KCNIP1: variants seen among roughly 807,000 people sequenced by gnomAD.
KCNIP1 encodes A-type potassium channel modulatory protein KCNIP1.
In KCNIP1, 18 loss-of-function variants were observed where a neutral mutation model predicts 33.0. The ratio of observed to expected loss-of-function variants is 0.55; its 90% CI spans 0.38 to 0.81. The LOEUF (loss-of-function observed/expected upper bound fraction) is 0.81. KCNIP1 is among the 30% of genes least tolerant of loss of function. The pLI is 0.00. For missense variants in KCNIP1, 238 were observed against 271.6 expected, an observed-to-expected ratio of 0.88 and a Z score of 0.87; for synonymous variants, 93 against 98.3, an observed-to-expected ratio of 0.95 and a Z score of 0.32.
intron 1 of KCNIP1, among the ~76,000 whole-genome samples, chr5:170,691,867 C>T (rs529674722): frequency 6.6e-6 from 1 of 152,138 alleles, no homozygotes; most frequent in Non-Finnish European, 1.5e-5. Flanking sequence ...CACTCGAGAT[C>T]CTCACTCTCA....
intron 1 of KCNIP1, among the ~76,000 whole-genome samples, chr5:170,454,760 C>T (rs1448716800): frequency 2.0e-5 from 3 of 152,126 alleles, no homozygotes; most frequent in Non-Finnish European, 2.9e-5. Context: ...ATCTGTGTGA[C>T]AGACTTCTGT....
At chr5:170,441,803 C>T (rs1488533049) in intron 1 of KCNIP1, among the ~76,000 whole-genome samples, 1 of 151,798 alleles carries the variant, frequency 6.6e-6, no homozygotes, top group Non-Finnish European at 1.5e-5. Context: ...TACAAAAAAA[C>T]TAGCTGGGCA....
intron 1 of KCNIP1, among the ~76,000 whole-genome samples, chr5:170,707,258 G>A (rs150938923): frequency 1.3e-5 from 2 of 152,068 alleles, no homozygotes; most frequent in African/African-American, 4.8e-5. Flanking sequence ...CTGAGCTGCT[G>A]CAATGAAACT....
intron 1 of KCNIP1, among the ~76,000 whole-genome samples, chr5:170,394,456 A>T (rs1754702983): frequency 6.6e-6 from 1 of 151,576 alleles, no homozygotes; most frequent in Admixed American, 6.6e-5. Context: ...TTTTGTTGTC[A>T]TCGTGCTTTG....
chr5:170,672,208 C>T (rs1217198656), intron 1 of KCNIP1, among the ~76,000 whole-genome samples: 1 of 152,186 alleles, frequency 6.6e-6, no homozygotes, highest in Non-Finnish European at 1.5e-5. Flanking sequence ...TGGATGAGGA[C>T]ATGGGGCTAT....
At chr5:170,537,503 T>C (rs551104623) in intron 1 of KCNIP1, among the ~76,000 whole-genome samples, 1 of 152,304 alleles carries the variant, frequency 6.6e-6, no homozygotes, top group East Asian at 1.9e-4. Context: ...TTGTTCCTTG[T>C]ACAAACCCTT....
At chr5:170,583,217 A>T (rs1375829969) in intron 1 of KCNIP1, among the ~76,000 whole-genome samples, 1 of 152,210 alleles carries the variant, frequency 6.6e-6, no homozygotes, top group Non-Finnish European at 1.5e-5. Context: ...TCTTGTCTCC[A>T]GACTTTCTTT....
intron 1 of KCNIP1, among the ~76,000 whole-genome samples, chr5:170,604,023 G>A (rs940153717): frequency 1.1e-4 from 17 of 152,172 alleles, no homozygotes; most frequent in African/African-American, 3.9e-4. Flanking sequence ...GAAGAAAACT[G>A]TTGAGGCAAG....
chr5:170,586,800 A>G (rs917283897), intron 1 of KCNIP1, among the ~76,000 whole-genome samples: 1 of 152,208 alleles, frequency 6.6e-6, no homozygotes, highest in Admixed American at 6.5e-5. Context: ...TGTACACTTC[A>G]TTGTGTGTGC....
intron 1 of KCNIP1, among the ~76,000 whole-genome samples, chr5:170,526,044 A>G (rs572306105): frequency 1.3e-5 from 2 of 152,326 alleles, no homozygotes; most frequent in African/African-American, 4.8e-5. Flanking sequence ...GCTCCAGCTC[A>G]GTCACTGAGC....
At chr5:170,682,784 C>CTGTTTTTTTTTTTTT (rs1762396220) in intron 1 of KCNIP1, among the ~76,000 whole-genome samples, 1 of 71,404 alleles carries the variant, frequency 1.4e-5, no homozygotes, top group East Asian at 6.2e-4. Context: ...TTCTTTGTTT[C>CTGTTTTTTTTTTTTT]TTTTTTTTTT....
upstream of KCNIP1, among the ~76,000 whole-genome samples, chr5:170,502,940 C>A (rs538839693): frequency 2.0e-5 from 3 of 152,262 alleles, no homozygotes; most frequent in South Asian, 6.2e-4. Context: ...AAACTTTGCC[C>A]ATTGGGTGAG....
chr5:170,471,512 G>T (rs1756727167), intron 1 of KCNIP1, among the ~76,000 whole-genome samples: 1 of 152,188 alleles, frequency 6.6e-6, no homozygotes, highest in Non-Finnish European at 1.5e-5. Flanking sequence ...CTCAGGGAGG[G>T]AGGAAGACCC....
At chr5:170,708,687 T>G (rs887421070) in intron 1 of KCNIP1, among the ~76,000 whole-genome samples, 2 of 152,094 alleles carry the variant, frequency 1.3e-5, no homozygotes, top group Admixed American at 6.5e-5. Flanking sequence ...GAGGATTGCT[T>G]GAGTTTGAGG....
At chr5:170,646,381 G>T (rs898330124) in intron 1 of KCNIP1, among the ~76,000 whole-genome samples, 3 of 152,054 alleles carry the variant, frequency 2.0e-5, no homozygotes, top group African/African-American at 4.8e-5. Flanking sequence ...CGTATAAAAA[G>T]AATTATAAGC....
At chr5:170,461,393 T>A (rs554579689) in intron 1 of KCNIP1, among the ~76,000 whole-genome samples, 2 of 152,076 alleles carry the variant, frequency 1.3e-5, no homozygotes, top group African/African-American at 4.8e-5. Context: ...AGGCATCACA[T>A]TACCTGATTT....
upstream of KCNIP1, among the ~76,000 whole-genome samples, chr5:170,501,809 A>G (rs139381751): frequency 3.1e-3 from 470 of 152,294 alleles, 3 homozygotes; most frequent in African/African-American, 0.011. Context: ...TGTTCCCTGA[A>G]TCCTGGATAT....
intron 1 of KCNIP1, among the ~76,000 whole-genome samples, chr5:170,406,393 T>C (rs908773731): frequency 6.6e-6 from 1 of 152,228 alleles, no homozygotes; most frequent in Non-Finnish European, 1.5e-5. Context: ...CTACCCATTA[T>C]TGGTCGTGTA....
At chr5:170,552,987 C>T (rs1002640445) in intron 1 of KCNIP1, among the ~76,000 whole-genome samples, 5 of 152,258 alleles carry the variant, frequency 3.3e-5, no homozygotes, top group Admixed American at 1.3e-4. Flanking sequence ...ACATCACCCT[C>T]AGCTCCCAGC....
Sources: allele counts gnomAD v4.1 joint callset (sites outside exome capture counted in the v4.1 genomes callset), GRCh38; gene constraint gnomAD v4.1.1; transcripts MANE v1.5; gene names NCBI Gene and HGNC (gene_info 2026-07-23, HGNC 2026-07-21).